ITPR2: variants seen among roughly 807,000 people sequenced by gnomAD.
The protein encoded by ITPR2 is inositol 1,4,5-trisphosphate-gated calcium channel ITPR2.
In ITPR2, 207 loss-of-function variants were observed where a neutral mutation model predicts 317.1. The observed-to-expected ratio is 0.65, with a 90% CI of 0.58 to 0.73. The LOEUF (loss-of-function observed/expected upper bound fraction) is 0.73. Ranked by LOEUF, ITPR2 falls within the 30% of genes least tolerant of loss-of-function variation. ITPR2 has a pLI of 0.00. For missense variants in ITPR2, 2,613 were observed against 3,284.0 expected (o/e 0.80, Z 4.99); for synonymous variants, 1,156 against 1,149.1 (o/e 1.01, Z -0.12).
intron 45 of ITPR2, among the ~76,000 whole-genome samples, chr12:26,451,799 G>A (rs1322740791): frequency 6.6e-6 from 1 of 151,988 alleles, no homozygotes; most frequent in Non-Finnish European, 1.5e-5. Context: ...CTTGAAGCAG[G>A]GCAAAGCAGG....
rs764941246 is a variant in ITPR2 at position 26,427,899 on chromosome 12, A to G, written c.6945+14T>C. ...CTAATTCTGTAACAGTACAAAGCTA[A>G]GTAAAGTACTTACATTAGCTGCACC... On this transcript the variant is annotated intron_variant, in intron 49 of 56. Coordinates refer to ENST00000381340, the MANE Select transcript of ITPR2 (RefSeq NM_002223.4). The G allele has an allele frequency of 2.0e-6, 3 of 1,520,534 alleles. No homozygotes were observed. Among genetic ancestry groups the G allele is most frequent in the Non-Finnish European group, 2.6e-6 (3 of 1,133,412 alleles). The allele number at this position is 1,520,534 out of a possible 1,614,324, so 94.2% of individuals were successfully genotyped here. A position where few individuals can be genotyped will look rare whatever the true frequency, so the allele number is the denominator to read the frequency against.
In ITPR2 at chr12:26,556,268, G is replaced by A. The variant is rs770173131; in HGVS notation, c.4929C>T (p.Ser1643=). The A allele has an allele frequency of 4.7e-5, 76 of 1,613,272 alleles. No individual in the cohort carries two copies. The highest frequency in any genetic ancestry group is 6.7e-5 in the African/African-American group (5 of 74,864). ...YSPELLFPEG[S]DARIRCGAFM... is the part of the protein sequence containing the mutation. ...AAGCGCCACATCTTATTCTTGCATCGCTTCCCTCAGGGAACAGCAGTTCTG... is the reference window on the plus strand; with the variant it reads ...AAGCGCCACATCTTATTCTTGCATCACTTCCCTCAGGGAACAGCAGTTCTG... The change falls in exon 36 of 57, where the codon AGC becomes AGT. Residue 1643 remains serine, a synonymous_variant. Coordinates refer to ENST00000381340, the MANE Select transcript of ITPR2 (RefSeq NM_002223.4).
chr12:26,531,699 G>T lies in ITPR2; in HGVS notation c.5073+18548C>A, dbSNP rs574559261. Among the ~76,000 whole-genome samples, 55 of 151,682 alleles carry T rather than the reference G, an allele frequency of 3.6e-4. 1 individual carries two copies. The highest frequency in any genetic ancestry group is 1.2e-3 in the African/African-American group (51 of 41,362). On this transcript the variant is annotated intron_variant, in intron 37 of 56. Coordinates refer to ENST00000381340, the MANE Select transcript of ITPR2 (RefSeq NM_002223.4). ...CACACACACAAGTGTGTATCTGAAT[G>T]ATTCAAGACAATTCTCTTTTCCTGT...
At chr12:26,540,847 T>C (rs1448820594) in intron 37 of ITPR2, among the ~76,000 whole-genome samples, 1 of 152,178 alleles carries the variant, frequency 6.6e-6, no homozygotes, top group Non-Finnish European at 1.5e-5. Flanking sequence ...GTTGCTTTTA[T>C]ACCCACTTTA....
chr12:26,600,995 G>A (rs528898608), intron 28 of ITPR2, among the ~76,000 whole-genome samples: 11 of 151,328 alleles, frequency 7.3e-5, no homozygotes, highest in Admixed American at 2.6e-4. Flanking sequence ...ACTCTTAATA[G>A]TGAATATCCT....
intron 2 of ITPR2, among the ~76,000 whole-genome samples, chr12:26,762,329 G>C (rs1949650113): frequency 6.6e-6 from 1 of 152,152 alleles, no homozygotes; most frequent in African/African-American, 2.4e-5. Context: ...AATTTTGAAA[G>C]CAGCAACAGA....
In ITPR2 at chr12:26,624,339, C is replaced by T. The variant is rs745937046; in HGVS notation, c.3082G>A (p.Asp1028Asn). The T allele has an allele frequency of 6.2e-7, 1 of 1,609,740 alleles. No homozygotes were observed. The highest frequency in any genetic ancestry group is 1.1e-5 in the South Asian group (1 of 90,616). ...GTTTCTGCCTGAGCTGCAATTTCAT[C>T]TATATCAGGAACAATAGCTGCAAAG... ...LLPSAIVPDI[D>N]EIAAQAETMF... The change falls in exon 24 of 57, where the codon GAT becomes AAT. Residue 1028 changes from aspartate to asparagine, a missense_variant. Coordinates refer to ENST00000381340, the MANE Select transcript of ITPR2 (RefSeq NM_002223.4).
intron 50 of ITPR2, 99 bp from the exon 51 acceptor site, chr12:26,415,597 GTTTATA>G (rs1565514222): frequency 1.2e-6 from 1 of 815,056 alleles, no homozygotes; most frequent in African/African-American, 1.8e-5. Flanking sequence ...AGCCATTCTA[GTTTATA>G]TATAAAGAAA....
intron 55 of ITPR2, among the ~76,000 whole-genome samples, chr12:26,362,568 C>T (rs1359868451): frequency 6.6e-6 from 1 of 152,212 alleles, no homozygotes; most frequent in Non-Finnish European, 1.5e-5. Context: ...TGATTACTTA[C>T]AGTCATATTT....
intron 7 of ITPR2, 149 bp from the exon 8 acceptor site, chr12:26,715,594 G>GT (rs1948725995): frequency 2.4e-6 from 2 of 835,830 alleles, no homozygotes; most frequent in African/African-American, 1.7e-5. Context: ...ATTTAAAAAT[G>GT]TGGGGGGGAA....
At chr12:26,622,987 A>C (rs1400452111) in intron 24 of ITPR2, among the ~76,000 whole-genome samples, 5 of 152,372 alleles carry the variant, frequency 3.3e-5, no homozygotes, top group East Asian at 1.9e-4. Flanking sequence ...GGAAAATACA[A>C]CACCACAAAC....
chr12:26,498,208 T>C (rs952932951), intron 37 of ITPR2, among the ~76,000 whole-genome samples: 7 of 152,212 alleles, frequency 4.6e-5, no homozygotes, highest in African/African-American at 1.7e-4. Flanking sequence ...GTAAAGGTGG[T>C]GACTAGTCTC....
chr12:26,675,603 G>A (rs1226846119), intron 13 of ITPR2, among the ~76,000 whole-genome samples: 7 of 152,046 alleles, frequency 4.6e-5, no homozygotes, highest in South Asian at 4.1e-4. Context: ...GCTAGATGAC[G>A]AGTTAGTGGG....
chr12:26,536,866 AG>A (rs1944108357), intron 37 of ITPR2, among the ~76,000 whole-genome samples: 1 of 152,226 alleles, frequency 6.6e-6, no homozygotes, highest in South Asian at 2.1e-4. Context: ...ATATAGTTGG[AG>A]GGTCTTAACT....
chr12:26,467,995 T>C (rs1328588149), intron 45 of ITPR2, among the ~76,000 whole-genome samples: 1 of 152,204 alleles, frequency 6.6e-6, no homozygotes, highest in African/African-American at 2.4e-5. Context: ...GTAGATCCAC[T>C]ACTAATTTAG....
chr12:26,580,258 A>T (rs754674625), intron 32 of ITPR2, 103 bp from the exon 33 acceptor site: 18 of 1,013,560 alleles, frequency 1.8e-5, no homozygotes, highest in Non-Finnish European at 2.4e-5. Context: ...TGTCAGTAAC[A>T]TTTCTTCTGC....
At chr12:26,610,882 A>T (rs1946247768) in intron 26 of ITPR2, among the ~76,000 whole-genome samples, 1 of 152,226 alleles carries the variant, frequency 6.6e-6, no homozygotes, top group Non-Finnish European at 1.5e-5. Context: ...CAGGGAAAGG[A>T]CAGGCTACAA....
chr12:26,768,670 T>C (rs1459957981), intron 2 of ITPR2, among the ~76,000 whole-genome samples: 2 of 149,920 alleles, frequency 1.3e-5, no homozygotes, highest in Non-Finnish European at 3.0e-5. Context: ...TTCACACTCT[T>C]AAAAATTATT....
At chr12:26,343,667 G>A (rs1003230600) in intron 55 of ITPR2, among the ~76,000 whole-genome samples, 4 of 152,240 alleles carry the variant, frequency 2.6e-5, no homozygotes, top group African/African-American at 9.6e-5. Flanking sequence ...TAGATGAGGA[G>A]GCTGTGGGTG....
Sources: allele counts gnomAD v4.1 joint callset (sites outside exome capture counted in the v4.1 genomes callset), GRCh38; gene constraint gnomAD v4.1.1; transcripts MANE v1.5; gene names NCBI Gene and HGNC (gene_info 2026-07-23, HGNC 2026-07-21).